CFAP47: variants seen among roughly 807,000 people sequenced by gnomAD.
CFAP47 encodes cilia and flagella associated protein 47, also known as cilia- and flagella-associated protein 47.
CFAP47 carries 29 observed loss-of-function variants against 148.1 expected under a neutral mutation model. The ratio of observed to expected loss-of-function variants is 0.20; its 90% CI spans 0.15 to 0.27. The LOEUF (loss-of-function observed/expected upper bound fraction) is 0.27. Among genes scored for constraint, CFAP47 ranks in the 10% least tolerant of loss-of-function variants. The probability of loss-of-function intolerance (pLI) is 1.00; values close to 1 mark genes in which losing one functional copy is unlikely to be tolerated. For synonymous variants in CFAP47, 664 were observed against 577.3 expected (o/e 1.15, Z -2.15); for missense variants, 1,872 against 1,697.5 (o/e 1.10, Z -1.81).
chrX:36,031,166 T>C, intron 22 of CFAP47, 87 bp from the exon 23 acceptor site: 1 of 271,330 alleles, frequency 3.7e-6, no homozygotes, highest in Non-Finnish European at 6.5e-6. Flanking sequence ...TATTTTCTTA[T>C]TGTTTAGTGT....
intron 30 of CFAP47, among the ~76,000 whole-genome samples, chrX:36,090,541 A>G (rs760040448): frequency 9.0e-6 from 1 of 111,720 alleles, no homozygotes; most frequent in East Asian, 2.8e-4. Context: ...CAGGTATGGA[A>G]GAATAATTTT....
At chrX:35,925,818 G>A (rs772082704) in intron 1 of CFAP47, among the ~76,000 whole-genome samples, 199 bp from the exon 2 acceptor site, 14 of 111,597 alleles carry the variant, frequency 1.3e-4, no homozygotes, top group Non-Finnish European at 2.6e-4. Flanking sequence ...CACCACGCCC[G>A]GCTAGTTTTT....
intron 2 of CFAP47, among the ~76,000 whole-genome samples, chrX:35,937,104 G>GTTTTTTTTTTTTT (rs377601530): frequency 1.8e-5 from 1 of 55,541 alleles, no homozygotes; most frequent in African/African-American, 6.4e-5. Flanking sequence ...TGCAATTGCT[G>GTTTTTTTTTTTTT]TTTTTTTTTT....
intron 18 of CFAP47, among the ~76,000 whole-genome samples, chrX:35,997,048 A>T (rs1297767861): frequency 9.0e-6 from 1 of 111,704 alleles, no homozygotes; most frequent in Non-Finnish European, 1.9e-5. Flanking sequence ...AAGTTTAGTC[A>T]AATAGGTAGA....
chrX:35,968,892 C>T (rs918247010), intron 10 of CFAP47, among the ~76,000 whole-genome samples: 1 of 109,099 alleles, frequency 9.2e-6, no homozygotes, highest in Admixed American at 9.8e-5. Context: ...TTCACTCCCA[C>T]CCTGCAGAGG....
At chrX:35,974,659 G>A (rs770063500) in intron 13 of CFAP47, among the ~76,000 whole-genome samples, 43 of 111,817 alleles carry the variant, frequency 3.8e-4, no homozygotes, top group Non-Finnish European at 6.8e-4. Context: ...CTTACTATAT[G>A]CCAGTTTTAA....
In CFAP47 at chrX:36,303,976, G is replaced by A. The variant is rs782687684; in HGVS notation, c.8082+16G>A. 2.8e-5 allele frequency: 25 copies of A among 894,067 alleles called. No individual in the cohort carries two copies. Among genetic ancestry groups the A allele is most frequent in the Non-Finnish European group, 3.9e-5 (25 of 638,219 alleles). The allele number at this position is 894,067 out of a possible 1,213,427, so 73.7% of individuals were successfully genotyped here. ...AAAATCACAAGTAAGTAAATTCAGA[G>A]AGCCATGAAATTTACTGCTGCTAGA... On this transcript the variant is annotated intron_variant, in intron 54 of 63. Coordinates refer to ENST00000378653, the MANE Select transcript of CFAP47 (RefSeq NM_001304548.2).
chrX:36,267,264 G>A (rs897986114), intron 49 of CFAP47, among the ~76,000 whole-genome samples: 8 of 110,976 alleles, frequency 7.2e-5, no homozygotes, highest in Non-Finnish European at 1.5e-4. Context: ...GCATATGGGG[G>A]ATTTGGAACT....
intron 39 of CFAP47, among the ~76,000 whole-genome samples, chrX:36,173,232 G>T (rs1259338676): frequency 9.0e-6 from 1 of 110,610 alleles, no homozygotes; most frequent in Non-Finnish European, 1.9e-5. Flanking sequence ...CAATTTTGTT[G>T]ATCCTTTCAA....
intron 22 of CFAP47, among the ~76,000 whole-genome samples, chrX:36,019,440 G>A (rs4044693): frequency 0.1 from 11,160 of 110,917 alleles, 486 homozygotes; most frequent in South Asian, 0.24. Context: ...AGTCTTAGGC[G>A]CATATAAGTA....
intron 60 of CFAP47, among the ~76,000 whole-genome samples, chrX:36,356,160 A>C (rs1275547877): frequency 1.8e-5 from 2 of 111,585 alleles, no homozygotes; most frequent in African/African-American, 6.5e-5. Flanking sequence ...TATGGCTCTT[A>C]TTTTACTGCT....
chrX:36,007,959 A>G (rs962582143), intron 21 of CFAP47, among the ~76,000 whole-genome samples: 52 of 111,530 alleles, frequency 4.7e-4, no homozygotes, highest in African/African-American at 1.7e-3. Flanking sequence ...ATTGACAGTC[A>G]CCAACAGTCA....
intron 39 of CFAP47, among the ~76,000 whole-genome samples, chrX:36,177,163 A>G (rs764857725): frequency 7.1e-5 from 8 of 112,143 alleles, no homozygotes; most frequent in Non-Finnish European, 1.5e-4. Context: ...TTGCATTTTT[A>G]CAGTTAATAT....
intron 62 of CFAP47, among the ~76,000 whole-genome samples, chrX:36,368,862 T>A (rs1450374240): frequency 2.7e-5 from 3 of 111,612 alleles, no homozygotes; most frequent in Non-Finnish European, 5.7e-5. Flanking sequence ...TTTTTTCATA[T>A]CTTTGATCAA....
intron 57 of CFAP47, among the ~76,000 whole-genome samples, chrX:36,339,752 A>G (rs1556015451): frequency 8.9e-6 from 1 of 112,123 alleles, no homozygotes; most frequent in African/African-American, 3.2e-5. Flanking sequence ...TGCTTTAAGT[A>G]TAATTTTGTT....
In CFAP47 at chrX:35,970,852, A is replaced by G. The variant is rs1936478697; in HGVS notation, c.1899A>G (p.Leu633=). The G allele has an allele frequency of 8.4e-7, 1 of 1,184,997 alleles. No individual in the cohort carries two copies. ...CATTTGAAAAACAGCAAAAGAAATT[A>G]CATGAAAACTATTATGCAATGTATC... ...YTTFEKQQKK[L]HENYYAMYLK... The change falls in exon 11 of 64, where the codon TTA becomes TTG. Residue 633 remains leucine, a synonymous_variant. Coordinates refer to ENST00000378653, the MANE Select transcript of CFAP47 (RefSeq NM_001304548.2).
intron 39 of CFAP47, among the ~76,000 whole-genome samples, chrX:36,165,030 T>C (rs1286940855): frequency 1.8e-5 from 2 of 111,952 alleles, no homozygotes; most frequent in African/African-American, 6.5e-5. Context: ...ACACTTCATA[T>C]CAATGGAATT....
rs921161080 is a variant in CFAP47 at position 36,290,886 on chromosome X, T to C, written c.7686+5160T>C. Among the ~76,000 whole-genome samples, 3 of 112,730 alleles carry C rather than the reference T, an allele frequency of 2.7e-5. No homozygotes were observed. The East Asian group carries it at 8.3e-4, about 31-fold the overall frequency. ...ACCACCAGCTGAGGAAAACTGAATT[T>C]ATTCTTTATTGGTTATTAACACTGG... is the stretch of plus-strand genomic sequence containing the variant. On this transcript the variant is annotated intron_variant, in intron 51 of 63. Coordinates refer to ENST00000378653, the MANE Select transcript of CFAP47 (RefSeq NM_001304548.2).
At chrX:36,066,884 C>T (rs1250377704) in intron 27 of CFAP47, among the ~76,000 whole-genome samples, 2 of 111,471 alleles carry the variant, frequency 1.8e-5, no homozygotes, top group African/African-American at 6.5e-5. Flanking sequence ...AGAAAAGCAG[C>T]AGAGGAAATT....
Sources: gnomAD v4.1 joint callset for allele counts (sites outside exome capture counted in the v4.1 genomes callset) on GRCh38, gnomAD v4.1.1 for gene constraint, MANE v1.5 for transcripts, NCBI Gene and HGNC (gene_info 2026-07-23, HGNC 2026-07-21) for gene names.